ARSJ: variants seen among roughly 807,000 people sequenced by gnomAD.
ARSJ encodes the protein arylsulfatase family member J.
Under a neutral mutation model 35.9 loss-of-function variants are expected in ARSJ, and 26 were observed. That is an observed-to-expected ratio of 0.72 (90% CI 0.53 to 1.00). The LOEUF (loss-of-function observed/expected upper bound fraction) is 1.00. Ranked by LOEUF, ARSJ falls within the 50% of genes least tolerant of loss-of-function variation. The pLI, the probability that ARSJ is intolerant of heterozygous loss-of-function variation, is 0.00. For missense variants in ARSJ, 667 were observed against 723.6 expected (o/e 0.92, Z 0.90); for synonymous variants, 294 against 267.6 (o/e 1.10, Z -0.96).
intron 1 of ARSJ, among the ~76,000 whole-genome samples, chr4:113,908,052 A>G (rs574426626): frequency 2.6e-5 from 4 of 152,316 alleles, no homozygotes; most frequent in Middle Eastern, 3.4e-3. Context: ...CAATTTATCC[A>G]TGTAACAAAA....
chr4:113,941,495 A>C (rs1344175199), intron 1 of ARSJ, among the ~76,000 whole-genome samples: 1 of 152,050 alleles, frequency 6.6e-6, no homozygotes, highest in Non-Finnish European at 1.5e-5. Context: ...GTGTGTTGCC[A>C]AGAATCCCCT....
In ARSJ at chr4:113,955,610, A is replaced by G. The variant is rs113941858; in HGVS notation, c.398+22827T>C. ...CTCAATAAATACCATGCACATAATA[A>G]TTACTAACATCTGTAGAGTGCTTTC... On this transcript the variant is annotated intron_variant, in intron 1 of 1. Transcript: ENST00000315366. Among the ~76,000 whole-genome samples the G allele has an allele frequency of 7.5e-3, 1,140 of 152,172 alleles. 12 individuals are homozygous for G. Among genetic ancestry groups the G allele is most frequent in the African/African-American group, 0.026 (1,067 of 41,528 alleles).
chr4:113,957,503 A>T (rs1726257649), intron 1 of ARSJ, among the ~76,000 whole-genome samples: 1 of 152,084 alleles, frequency 6.6e-6, no homozygotes, highest in Non-Finnish European at 1.5e-5. Flanking sequence ...TTCTGAAACA[A>T]ATGTGGTCTT....
intron 1 of ARSJ, among the ~76,000 whole-genome samples, chr4:113,922,464 C>A (rs1396146927): frequency 6.6e-6 from 1 of 152,072 alleles, no homozygotes; most frequent in Non-Finnish European, 1.5e-5. Context: ...AGCTCTATTG[C>A]TATGCAATAT....
chr4:113,926,195 C>T (rs1445682731), intron 1 of ARSJ, among the ~76,000 whole-genome samples: 1 of 151,694 alleles, frequency 6.6e-6, no homozygotes, highest in Non-Finnish European at 1.5e-5. Flanking sequence ...ATCCACATAC[C>T]TATTCCCCAA....
Position 113,969,762 on chromosome 4 carries a change from C to T in ARSJ, c.398+8675G>A, listed in dbSNP as rs142315479. 2.9e-3 allele frequency among the ~76,000 whole-genome samples: 436 copies of T among 152,294 alleles called. 5 individuals carry two copies. Among genetic ancestry groups the T allele is most frequent in the African/African-American group, 9.7e-3 (404 of 41,558 alleles). On this transcript the variant is annotated intron_variant, in intron 1 of 1. Coordinates refer to ENST00000315366, the MANE Select transcript of ARSJ (RefSeq NM_024590.4). Reference sequence around the variant, plus strand: ...ATGCTATTTCTTCTCAATCACATTGCCTGCCAGGGGGAAATAAATAATCAT... The same window carrying T: ...ATGCTATTTCTTCTCAATCACATTGTCTGCCAGGGGGAAATAAATAATCAT...
chr4:113,905,121 T>G (rs1314715813), intron 1 of ARSJ, among the ~76,000 whole-genome samples: 1 of 152,244 alleles, frequency 6.6e-6, no homozygotes, highest in East Asian at 1.9e-4. Context: ...AGTGTATGAA[T>G]TTTCACTTGG....
rs2149266612 is a variant in ARSJ at position 113,935,910 on chromosome 4, G to A, written c.399-32235C>T. ...ACACTTCATATATAGGCACTTGAAT[G>A]TGTAATTTCTGGTGTACATAATAGC... is the stretch of plus-strand genomic sequence containing the variant. On this transcript the variant is annotated intron_variant, in intron 1 of 1. Coordinates refer to ENST00000315366, the MANE Select transcript of ARSJ (RefSeq NM_024590.4). Among the ~76,000 whole-genome samples the A allele has an allele frequency of 1.3e-5, 2 of 152,076 alleles. 1 individual carries two copies. The highest frequency in any genetic ancestry group is 4.1e-4 in the South Asian group (2 of 4,830).
intron 1 of ARSJ, among the ~76,000 whole-genome samples, chr4:113,947,960 G>GT (rs1725604104): frequency 2.0e-5 from 3 of 151,962 alleles, no homozygotes; most frequent in African/African-American, 7.2e-5. Context: ...AGGCTAAGGT[G>GT]GGTGGATCAC....
intron 1 of ARSJ, among the ~76,000 whole-genome samples, chr4:113,940,082 G>A (rs1216667418): frequency 1.3e-5 from 2 of 152,102 alleles, no homozygotes; most frequent in Admixed American, 6.6e-5. Flanking sequence ...ACAGTGTGGT[G>A]ATTTCTTAAA....
intron 1 of ARSJ, 84 bp downstream of exon 1, chr4:113,978,353 T>A (rs749026966): frequency 1.7e-5 from 22 of 1,301,822 alleles, no homozygotes; most frequent in Non-Finnish European, 2.3e-5. Context: ...ATACTTTCTG[T>A]TACTCCCTTA....
chr4:113,971,117 G>T (rs1398023365), intron 1 of ARSJ, among the ~76,000 whole-genome samples: 1 of 151,620 alleles, frequency 6.6e-6, no homozygotes, highest in Non-Finnish European at 1.5e-5. Flanking sequence ...AATTATAAAA[G>T]AACACTGAAA....
chr4:113,967,502 C>T (rs1726968539), intron 1 of ARSJ, among the ~76,000 whole-genome samples: 1 of 151,886 alleles, frequency 6.6e-6, no homozygotes, highest in Admixed American at 6.6e-5. Context: ...CTTTTAAGTT[C>T]CTACTACTCT....
intron 1 of ARSJ, among the ~76,000 whole-genome samples, chr4:113,941,183 T>G (rs972116752): frequency 6.6e-6 from 1 of 152,030 alleles, no homozygotes; most frequent in African/African-American, 2.4e-5. Context: ...TGCAGCAACA[T>G]GAGAACACAC....
chr4:113,961,005 C>T lies in ARSJ; in HGVS notation c.398+17432G>A, dbSNP rs116643347. Among the ~76,000 whole-genome samples, 616 of 152,098 alleles carry T rather than the reference C, an allele frequency of 4.1e-3. 5 individuals are homozygous for T. Among genetic ancestry groups the T allele is most frequent in the African/African-American group, 0.014 (589 of 41,526 alleles). ...AAAAATTATAGAATAAGTTTCAAGT[C>T]CAACAGAGAAATAAACCAATTTACC... On this transcript the variant is annotated intron_variant, in intron 1 of 1. Coordinates refer to ENST00000315366, the MANE Select transcript of ARSJ (RefSeq NM_024590.4).
chr4:113,903,691 A>C lies in ARSJ; in HGVS notation c.399-16T>G. On this transcript the variant is annotated splice_polypyrimidine_tract_variant and intron_variant, in intron 1 of 1. Transcript: ENST00000315366. ...TATCTGATACCTTAAGAAAAGAGAA[A>C]AAAATTGTTATCAGGGCAGGATAAA... 1 of 1,580,922 alleles carries C rather than the reference A, an allele frequency of 6.3e-7. No individual in the cohort carries two copies. Among genetic ancestry groups the C allele is most frequent in the South Asian group, 1.1e-5 (1 of 87,094 alleles).
intron 1 of ARSJ, among the ~76,000 whole-genome samples, chr4:113,965,699 T>C (rs1726848653): frequency 6.6e-6 from 1 of 152,108 alleles, no homozygotes; most frequent in South Asian, 2.1e-4. Flanking sequence ...TAAATTGCTA[T>C]TAACAAGACT....
intron 1 of ARSJ, among the ~76,000 whole-genome samples, chr4:113,925,528 T>A (rs549074296): frequency 2.5e-4 from 38 of 152,220 alleles, no homozygotes; most frequent in African/African-American, 7.7e-4. Context: ...TAATTGTGAT[T>A]TCAAAAGGCC....
At chr4:113,903,715 A>G in intron 1 of ARSJ, 40 bp from the exon 2 acceptor site, 2 of 1,539,372 alleles carry the variant, frequency 1.3e-6, no homozygotes, top group Non-Finnish European at 1.8e-6. Context: ...GGGCAGGATA[A>G]AAGAGATATT....
Sources: allele counts gnomAD v4.1 joint callset (sites outside exome capture counted in the v4.1 genomes callset), GRCh38; gene constraint gnomAD v4.1.1; transcripts MANE v1.5; gene names NCBI Gene and HGNC (gene_info 2026-07-23, HGNC 2026-07-21).